Variants in PRIM2 observed in about 807,000 individuals in gnomAD.
PRIM2 encodes the protein DNA primase subunit 2, also known as DNA primase large subunit.
A neutral mutation model predicts 67.3 loss-of-function variants in PRIM2; 39 were observed. That is an observed-to-expected ratio of 0.58 (90% CI 0.45 to 0.76). PRIM2 has a LOEUF of 0.76. Ranked by LOEUF, PRIM2 falls within the 30% of genes least tolerant of loss-of-function variation. The probability of loss-of-function intolerance (pLI) is 0.00; values close to 1 mark genes in which losing one functional copy is unlikely to be tolerated. For missense variants in PRIM2, 398 were observed against 598.7 expected (o/e 0.66, Z 3.50); for synonymous variants, 143 against 198.7 (o/e 0.72, Z 2.36).
chr6:57,395,209 A>G (rs1163005720), intron 7 of PRIM2, among the ~76,000 whole-genome samples: 2 of 152,084 alleles, frequency 1.3e-5, no homozygotes, highest in African/African-American at 4.8e-5. Context: ...TTCTTTCTCT[A>G]TCCCGTAGAA....
At position 57,353,139 on chromosome 6, in the gene PRIM2, C is replaced by CAAAAAA. The variant is rs57281233; in HGVS notation, c.460-26746_460-26741dup. 3.1e-4 allele frequency among the ~76,000 whole-genome samples: 18 copies of CAAAAAA among 58,586 alleles called. 1 individual carries two copies. The highest frequency in any genetic ancestry group is 8.3e-4 in the African/African-American group (17 of 20,374). The allele number at this position is 58,586 out of a possible 152,430, so 38.4% of individuals were successfully genotyped here. On this transcript the variant is annotated intron_variant, in intron 5 of 13. Transcript: ENST00000615550. The stretch of plus-strand genomic sequence containing the variant: ...CTAATTGAGACCCATGGTGAAATCC[C>CAAAAAA]AAAAAAAAAAAAAAAAAAAAAGCAG...
the PRIM2 span, among the ~76,000 whole-genome samples, chr6:57,267,081 T>C: frequency 6.6e-6 from 1 of 152,228 alleles, no homozygotes; most frequent in Non-Finnish European, 1.5e-5. Context: ...TCTAAAAATG[T>C]TCTTAAAATG....
intron 7 of PRIM2, among the ~76,000 whole-genome samples, chr6:57,456,995 T>C (rs1772812936): frequency 6.6e-6 from 1 of 152,212 alleles, no homozygotes. Flanking sequence ...TTTGTTAGTT[T>C]TCCTTCTAAC....
At chr6:57,487,209 C>T (rs1434252306) in intron 7 of PRIM2, among the ~76,000 whole-genome samples, 1 of 152,028 alleles carries the variant, frequency 6.6e-6, no homozygotes, top group African/African-American at 2.4e-5. Context: ...TCAAGTTTAC[C>T]ATCTTCTATG....
chr6:57,338,841 G>GA (rs1768367011), intron 5 of PRIM2, among the ~76,000 whole-genome samples: 1 of 148,128 alleles, frequency 6.8e-6, no homozygotes, highest in Admixed American at 6.7e-5. Context: ...CATAGTGTTG[G>GA]AAGTTCTGGC....
At chr6:57,380,346 C>T (rs1769916120) in intron 6 of PRIM2, among the ~76,000 whole-genome samples, 1 of 152,210 alleles carries the variant, frequency 6.6e-6, no homozygotes, top group African/African-American at 2.4e-5. Flanking sequence ...GGATTGCTGC[C>T]TTGCGTGGAA....
chr6:57,622,610 GTT>G (rs1467924546), intron 12 of PRIM2, among the ~76,000 whole-genome samples: 1 of 151,868 alleles, frequency 6.6e-6, no homozygotes, highest in Non-Finnish European at 1.5e-5. Context: ...TCTCATTTTA[GTT>G]TTTTTAATAG....
chr6:57,388,037 A>C (rs1770207575), intron 7 of PRIM2, among the ~76,000 whole-genome samples: 1 of 152,190 alleles, frequency 6.6e-6, no homozygotes, highest in Non-Finnish European at 1.5e-5. Flanking sequence ...TTTTTTTAGA[A>C]TCAAAAAGGC....
intron 7 of PRIM2, among the ~76,000 whole-genome samples, chr6:57,466,947 C>G (rs1266115656): frequency 6.6e-6 from 1 of 152,018 alleles, no homozygotes; most frequent in Non-Finnish European, 1.5e-5. Flanking sequence ...TGGAGAAACG[C>G]TGTCTCTACC....
At chr6:57,465,993 C>T (rs1159176257) in intron 7 of PRIM2, among the ~76,000 whole-genome samples, 1 of 151,816 alleles carries the variant, frequency 6.6e-6, no homozygotes, top group Non-Finnish European at 1.5e-5. Context: ...CCTGACAGGC[C>T]CCGGTGTGTG....
chr6:57,637,060 A>G (rs1455166868), intron 13 of PRIM2, among the ~76,000 whole-genome samples: 3 of 152,160 alleles, frequency 2.0e-5, no homozygotes, highest in African/African-American at 4.8e-5. Context: ...AGAGGAAGGA[A>G]CAGGGCACAA....
intron 7 of PRIM2, among the ~76,000 whole-genome samples, chr6:57,392,999 A>AC (rs113155963): frequency 1.0e-5 from 1 of 98,950 alleles, no homozygotes; most frequent in East Asian, 2.7e-4. Flanking sequence ...AGTATTCCTT[A>AC]TTATATATAT....
intron 5 of PRIM2, among the ~76,000 whole-genome samples, chr6:57,375,245 A>G (rs1581841177): frequency 6.6e-6 from 1 of 152,204 alleles, no homozygotes; most frequent in South Asian, 2.1e-4. Flanking sequence ...TGTTCCTTCA[A>G]TACCCAGTTT....
chr6:57,605,120 C>G (rs1776537040), intron 11 of PRIM2, among the ~76,000 whole-genome samples: 1 of 152,124 alleles, frequency 6.6e-6, no homozygotes, highest in Non-Finnish European at 1.5e-5. Context: ...AGAAATAAAG[C>G]CTATTTGATC....
At chr6:57,593,057 T>G (rs1776308808) in intron 10 of PRIM2, among the ~76,000 whole-genome samples, 1 of 152,112 alleles carries the variant, frequency 6.6e-6, no homozygotes, top group Non-Finnish European at 1.5e-5. Flanking sequence ...GCTTTACAGT[T>G]TTTCTTGAGT....
chr6:57,256,024 T>TACAC, the PRIM2 span, among the ~76,000 whole-genome samples: 96 of 111,222 alleles, frequency 8.6e-4, no homozygotes, highest in Non-Finnish European at 1.2e-3. Flanking sequence ...CACACACACA[T>TACAC]ACACACACAC....
At chr6:57,343,642 C>G (rs537542814) in intron 5 of PRIM2, among the ~76,000 whole-genome samples, 8 of 151,936 alleles carry the variant, frequency 5.3e-5, no homozygotes, top group African/African-American at 1.9e-4. Context: ...GAAAATGGAG[C>G]CTGAAGAAGA....
chr6:57,297,298 C>T, the PRIM2 span, among the ~76,000 whole-genome samples: 21 of 151,884 alleles, frequency 1.4e-4, 1 homozygote, highest in Admixed American at 1.1e-3. Flanking sequence ...AAAAATTAGC[C>T]GGGCATGGTG....
intron 7 of PRIM2, among the ~76,000 whole-genome samples, chr6:57,456,143 G>T (rs1772770611): frequency 6.6e-6 from 1 of 152,156 alleles, no homozygotes; most frequent in African/African-American, 2.4e-5. Flanking sequence ...TAGAGTTTCT[G>T]CCGAGAGATC....
Sources: gnomAD v4.1 joint callset for allele counts (sites outside exome capture counted in the v4.1 genomes callset) on GRCh38, gnomAD v4.1.1 for gene constraint, MANE v1.5 for transcripts, NCBI Gene and HGNC (gene_info 2026-07-23, HGNC 2026-07-21) for gene names.